The following AHCY variants were observed in gnomAD, a reference collection of about 807,000 sequenced individuals.
AHCY encodes S-adenosyl-L-homocysteine hydrolase.
A neutral mutation model predicts 45.4 loss-of-function variants in AHCY; 24 were observed. That is an observed-to-expected ratio of 0.53 (90% CI 0.38 to 0.74). The LOEUF (loss-of-function observed/expected upper bound fraction) is 0.74. AHCY is among the 30% of genes least tolerant of loss of function. AHCY has a pLI of 0.00. For synonymous variants in AHCY, 245 were observed against 235.1 expected (o/e 1.04, Z -0.39); for missense variants, 449 against 594.1 (o/e 0.76, Z 2.54).
chr20:34,270,433 T>A, the AHCY span, among the ~76,000 whole-genome samples: 1 of 152,174 alleles, frequency 6.6e-6, no homozygotes, highest in African/African-American at 2.4e-5. Flanking sequence ...AACCTTTTGT[T>A]CCTTGTACCA....
the AHCY span, among the ~76,000 whole-genome samples, chr20:34,235,889 GGAAGGAAGGAAAGGAA>G: frequency 9.8e-6 from 1 of 101,978 alleles, no homozygotes; most frequent in African/African-American, 5.1e-5. Flanking sequence ...AAGGAAGGAA[GGAAGGAAGGAAAGGAA>G]GGAAGGAAGG....
intron 1 of AHCY, among the ~76,000 whole-genome samples, chr20:34,299,555 C>T (rs746067096): frequency 5.9e-5 from 9 of 152,148 alleles, no homozygotes; most frequent in African/African-American, 7.2e-5. Context: ...ACCTTCTCTA[C>T]GGGGATGACT....
intron 1 of AHCY, among the ~76,000 whole-genome samples, chr20:34,298,056 T>C (rs2036628939): frequency 6.6e-6 from 1 of 152,050 alleles, no homozygotes; most frequent in African/African-American, 2.4e-5. Flanking sequence ...GGAGAATCAC[T>C]TGAACCTGGG....
At chr20:34,247,457 C>T in the AHCY span, among the ~76,000 whole-genome samples, 172 of 151,532 alleles carry the variant, frequency 1.1e-3, 1 homozygote, top group Non-Finnish European at 2.2e-3. Flanking sequence ...CATGCCACCA[C>T]GCCCAGCTAA....
chr20:34,290,571 A>G lies in AHCY; in HGVS notation c.834T>C (p.Cys278=). Residue 278 remains cysteine (C), a synonymous_variant, in exon 7 of 10, where the codon TGT becomes TGC. Transcript: ENST00000217426. The surrounding 1 kb of genome is among the most constrained non-coding windows in gnomAD (Gnocchi z 4.5). The part of the protein sequence containing the change: ...EGNIFVTTTG[C]IDIILGRHFE... ...CCTACCGGCCAAGGATGATGTCAAT[A>G]CAGCCTGTGGTGGTGACAAAGATGT... is the stretch of plus-strand genomic sequence containing the variant. 6.2e-7 allele frequency: 1 copy of G among 1,614,184 alleles called. No homozygotes were observed. The highest frequency in any genetic ancestry group is 8.5e-7 in the Non-Finnish European group (1 of 1,180,032).
At chr20:34,269,943 T>A in the AHCY span, among the ~76,000 whole-genome samples, 2 of 69,586 alleles carry the variant, frequency 2.9e-5, no homozygotes, top group East Asian at 3.5e-4. Context: ...AGAAACTCTG[T>A]CTTAAAAAAA....
the AHCY span, among the ~76,000 whole-genome samples, chr20:34,263,106 G>A: frequency 2.8e-4 from 43 of 152,262 alleles, no homozygotes; most frequent in South Asian, 7.7e-3. Context: ...AGCAAAATAG[G>A]TTACGAAAAG....
At chr20:34,252,707 T>C in the AHCY span, among the ~76,000 whole-genome samples, 1 of 152,128 alleles carries the variant, frequency 6.6e-6, no homozygotes, top group Non-Finnish European at 1.5e-5. Context: ...GGGTGTCGGG[T>C]TGGGGGATGG....
At chr20:34,243,808 T>TA in the AHCY span, among the ~76,000 whole-genome samples, 1 of 150,468 alleles carries the variant, frequency 6.6e-6, no homozygotes, top group Non-Finnish European at 1.5e-5. Flanking sequence ...CTCACGCCTG[T>TA]AATCCCAGCA....
At chr20:34,276,551 G>A (rs1020971975), downstream of AHCY, among the ~76,000 whole-genome samples, 2 of 152,084 alleles carry the variant, frequency 1.3e-5, no homozygotes, top group South Asian at 4.1e-4. Flanking sequence ...GTGAATTTAG[G>A]TTCCAATAAC....
At chr20:34,236,466 T>C in the AHCY span, among the ~76,000 whole-genome samples, 40,991 of 151,834 alleles carry the variant, frequency 0.27, 9,688 homozygotes, top group African/African-American at 0.64. Flanking sequence ...ATCGCTTGAA[T>C]CCAGGAGGTG....
chr20:34,290,960 A>G lies in AHCY; in HGVS notation c.559-22T>C, dbSNP rs1290917882. ...TGCTCTGAAAGGAAAGGGGGTAAGGAGACAATAGGGGCAGGCAAGGCCCTG... is the reference window on the plus strand; with the variant it reads ...TGCTCTGAAAGGAAAGGGGGTAAGGGGACAATAGGGGCAGGCAAGGCCCTG... On this transcript the variant is annotated intron_variant, in intron 5 of 9. Coordinates refer to ENST00000217426, the MANE Select transcript of AHCY (RefSeq NM_000687.4). This position sits in a 1 kb window ranked among gnomAD's most constrained non-coding sequence, Gnocchi z 4.5. 6.2e-7 allele frequency: 1 copy of G among 1,613,162 alleles called. No individual in the cohort carries two copies. Among genetic ancestry groups the G allele is most frequent in the East Asian group, 2.2e-5 (1 of 44,870 alleles).
At chr20:34,242,766 GC>G in the AHCY span, among the ~76,000 whole-genome samples, 1 of 152,214 alleles carries the variant, frequency 6.6e-6, no homozygotes, top group Non-Finnish European at 1.5e-5. Context: ...TCACATCAAA[GC>G]CTCTTCCCTC....
At chr20:34,281,605 C>T (rs1191926298) in intron 9 of AHCY, 8 of 273,756 alleles carry the variant, frequency 2.9e-5, no homozygotes, top group East Asian at 1.8e-4. Flanking sequence ...AAGATAGATC[C>T]GAGAGACAGA....
the AHCY span, among the ~76,000 whole-genome samples, chr20:34,270,576 C>T: frequency 6.6e-5 from 10 of 152,310 alleles, no homozygotes; most frequent in Admixed American, 5.2e-4. Context: ...AAGACTCAGT[C>T]GATTAGTAAC....
intron 1 of AHCY, among the ~76,000 whole-genome samples, chr20:34,296,103 C>A (rs2036570527): frequency 6.6e-6 from 1 of 152,172 alleles, no homozygotes; most frequent in Non-Finnish European, 1.5e-5. Flanking sequence ...TGTTTCTTTC[C>A]ACCTGGAGGA....
chr20:34,268,992 A>C, the AHCY span: 1 of 1,603,726 alleles, frequency 6.2e-7, no homozygotes, highest in Non-Finnish European at 8.5e-7. Context: ...CCCACGCAGA[A>C]GGAGGCTTCG....
downstream of AHCY, among the ~76,000 whole-genome samples, chr20:34,278,260 G>T (rs113341991): frequency 6.6e-6 from 1 of 152,152 alleles, no homozygotes; most frequent in African/African-American, 2.4e-5. Flanking sequence ...GGACACCTCC[G>T]AACAGGAAAG....
upstream of AHCY, among the ~76,000 whole-genome samples, chr20:34,305,859 A>G (rs983123120): frequency 6.6e-6 from 1 of 152,174 alleles, no homozygotes; most frequent in African/African-American, 2.4e-5. Flanking sequence ...GGGCGAGTGG[A>G]TCACTTGGGG....
Sources: gnomAD v4.1 joint callset for allele counts (sites outside exome capture counted in the v4.1 genomes callset) on GRCh38, gnomAD v4.1.1 for gene constraint, Gnocchi (gnomAD v3.1) non-coding constraint, MANE v1.5 for transcripts, NCBI Gene and HGNC (gene_info 2026-07-23, HGNC 2026-07-21) for gene names.